Variants in DRC11 observed in about 807,000 individuals in gnomAD.
DRC11 encodes the protein IQ and AAA domain-containing protein 1.
the DRC11 span, chr2:236,497,349 C>A: frequency 6.8e-6 from 11 of 1,613,824 alleles, no homozygotes; most frequent in African/African-American, 1.3e-4. The surrounding 1 kb of genome is among the most constrained non-coding windows in gnomAD (Gnocchi z 5.1). Context: ...TAAAGATCTG[C>A]ACATACTTTA....
chr2:236,436,792 T>G, the DRC11 span, among the ~76,000 whole-genome samples: 3 of 152,202 alleles, frequency 2.0e-5, no homozygotes, highest in African/African-American at 7.2e-5. Flanking sequence ...GCATGGTACC[T>G]GGCACAGAAT....
At chr2:236,416,759 A>ATATATATG in the DRC11 span, among the ~76,000 whole-genome samples, 1 of 90,862 alleles carries the variant, frequency 1.1e-5, no homozygotes, top group East Asian at 3.5e-4. Flanking sequence ...ATATATATAT[A>ATATATATG]TATATATATA....
At chr2:236,357,751 TATAA>T in the DRC11 span, among the ~76,000 whole-genome samples, 8 of 126,828 alleles carry the variant, frequency 6.3e-5, no homozygotes, top group South Asian at 4.7e-4. Context: ...TATGTAAATA[TATAA>T]ATATACATAT....
the DRC11 span, chr2:236,465,694 A>C: frequency 6.2e-7 from 1 of 1,609,746 alleles, no homozygotes; most frequent in Non-Finnish European, 8.5e-7. The surrounding 1 kb of genome is among the most constrained non-coding windows in gnomAD (Gnocchi z 6.2). Flanking sequence ...GACTTCATTA[A>C]AGAGAGGAGG....
At chr2:236,354,789 C>T in the DRC11 span, among the ~76,000 whole-genome samples, 8 of 152,282 alleles carry the variant, frequency 5.3e-5, no homozygotes, top group East Asian at 1.9e-4. Context: ...ACACAGTGCC[C>T]GGGGCCTCCA....
chr2:236,489,252 C>T, the DRC11 span, among the ~76,000 whole-genome samples: 4 of 108,878 alleles, frequency 3.7e-5, no homozygotes, highest in Admixed American at 4.4e-4. Context: ...GCAGGTGAGG[C>T]CTGTGTGGGC....
chr2:236,347,508 C>CTCTATATATA, the DRC11 span, among the ~76,000 whole-genome samples: 17 of 107,520 alleles, frequency 1.6e-4, no homozygotes, highest in South Asian at 2.9e-4. Flanking sequence ...AAAAACTGTG[C>CTCTATATATA]TATATATATA....
At chr2:236,356,637 A>G in the DRC11 span, among the ~76,000 whole-genome samples, 2 of 151,968 alleles carry the variant, frequency 1.3e-5, no homozygotes, top group Non-Finnish European at 2.9e-5. Context: ...CTACCTCATC[A>G]GAGCTTTCAT....
At chr2:236,408,507 G>A in the DRC11 span, 70 of 733,354 alleles carry the variant, frequency 9.5e-5, no homozygotes, top group Non-Finnish European at 1.4e-4. The surrounding 1 kb of genome is among the most constrained non-coding windows in gnomAD (Gnocchi z 5.5). Flanking sequence ...TCTTGGCCAC[G>A]GTGCCTCTGT....
At chr2:236,408,700 AT>A in the DRC11 span, 1 of 717,146 alleles carries the variant, frequency 1.4e-6, no homozygotes. This position sits in a 1 kb window ranked among gnomAD's most constrained non-coding sequence, Gnocchi z 5.5. Context: ...TCCTTCTTAG[AT>A]TTATGCCAGT....
At chr2:236,383,641 T>G in the DRC11 span, among the ~76,000 whole-genome samples, 1 of 152,038 alleles carries the variant, frequency 6.6e-6, no homozygotes. Flanking sequence ...TCATTTTTTT[T>G]TTTTTTGTTT....
chr2:236,400,455 C>T, the DRC11 span, among the ~76,000 whole-genome samples: 1 of 152,222 alleles, frequency 6.6e-6, no homozygotes, highest in East Asian at 1.9e-4. This position sits in a 1 kb window ranked among gnomAD's most constrained non-coding sequence, Gnocchi z 7.9. Flanking sequence ...TCACCTGCGC[C>T]TAATAGTGAG....
the DRC11 span, among the ~76,000 whole-genome samples, chr2:236,327,339 C>G: frequency 6.6e-6 from 1 of 152,128 alleles, no homozygotes; most frequent in African/African-American, 2.4e-5. Context: ...TCACTGCGAC[C>G]TCTATCTCCC....
At chr2:236,419,308 A>T in the DRC11 span, 9 of 1,513,598 alleles carry the variant, frequency 5.9e-6, no homozygotes, top group East Asian at 1.7e-4. This position sits in a 1 kb window ranked among gnomAD's most constrained non-coding sequence, Gnocchi z 4.8. Context: ...ATTTTCATAG[A>T]TCCCTATCAA....
the DRC11 span, among the ~76,000 whole-genome samples, chr2:236,364,435 A>G: frequency 1.9e-3 from 295 of 152,076 alleles, 2 homozygotes; most frequent in African/African-American, 6.7e-3. Context: ...CTTGCCTACC[A>G]TTTAGTGATT....
At chr2:236,374,300 C>G in the DRC11 span, among the ~76,000 whole-genome samples, 1 of 151,880 alleles carries the variant, frequency 6.6e-6, no homozygotes, top group African/African-American at 2.4e-5. Flanking sequence ...AAGCTAAGGA[C>G]CTTAACTGGG....
chr2:236,483,962 C>A, the DRC11 span, among the ~76,000 whole-genome samples: 3 of 152,010 alleles, frequency 2.0e-5, no homozygotes, highest in African/African-American at 7.2e-5. This position sits in a 1 kb window ranked among gnomAD's most constrained non-coding sequence, Gnocchi z 4.8. Context: ...GATCATAGAA[C>A]AAAAGGATTT....
chr2:236,350,416 G>A, the DRC11 span, among the ~76,000 whole-genome samples: 1 of 152,328 alleles, frequency 6.6e-6, no homozygotes, highest in African/African-American at 2.4e-5. This position sits in a 1 kb window ranked among gnomAD's most constrained non-coding sequence, Gnocchi z 5.2. Flanking sequence ...GACAGAGAAC[G>A]CTTCCCAAGA....
At chr2:236,311,151 G>A in the DRC11 span, among the ~76,000 whole-genome samples, 1 of 152,288 alleles carries the variant, frequency 6.6e-6, no homozygotes, top group South Asian at 2.1e-4. This position sits in a 1 kb window ranked among gnomAD's most constrained non-coding sequence, Gnocchi z 6.9. Context: ...GGGAGGCATC[G>A]GTTTCTAGCT....
Sources: gnomAD v4.1 joint callset for allele counts (sites outside exome capture counted in the v4.1 genomes callset) on GRCh38, gnomAD v4.1.1 for gene constraint, Gnocchi (gnomAD v3.1) non-coding constraint, MANE v1.5 for transcripts, NCBI Gene and HGNC (gene_info 2026-07-23, HGNC 2026-07-21) for gene names.